The following MOV10L1 variants were observed in gnomAD, a reference collection of about 807,000 sequenced individuals.
MOV10L1 encodes Mov10 like RNA helicase 1.
In MOV10L1, 110 loss-of-function variants were observed where a neutral mutation model predicts 143.8. The ratio of observed to expected loss-of-function variants is 0.76; its 90% CI spans 0.66 to 0.90. The LOEUF (loss-of-function observed/expected upper bound fraction) is 0.90. Among genes scored for constraint, MOV10L1 ranks in the 40% least tolerant of loss-of-function variants. The pLI, the probability that MOV10L1 is intolerant of heterozygous loss-of-function variation, is 0.00. For missense variants in MOV10L1, 1,406 were observed against 1,526.8 expected (o/e 0.92, Z 1.32); for synonymous variants, 593 against 581.1 (o/e 1.02, Z -0.29).
chr22:50,144,639 T>TGG (rs2063090838), intron 18 of MOV10L1, among the ~76,000 whole-genome samples: 1 of 152,156 alleles, frequency 6.6e-6, no homozygotes, highest in South Asian at 2.1e-4. Context: ...TGAAGTGCAG[T>TGG]GGCATGATCT....
At chr22:50,124,688 CCT>C (rs2062443557) in intron 10 of MOV10L1, among the ~76,000 whole-genome samples, 1 of 152,194 alleles carries the variant, frequency 6.6e-6, no homozygotes, top group African/African-American at 2.4e-5. Context: ...CTCATGCATT[CCT>C]TAGTGCTGAG....
chr22:50,126,250 A>C lies in MOV10L1; in HGVS notation c.1796A>C (p.Glu599Ala). Residue 599 changes from glutamate (E) to alanine (A), a missense_variant, in exon 12 of 27, where the codon GAA (glutamate) becomes GCA (alanine). This residue lies in a region of MOV10L1 where 1,233 missense variants were observed against 1,351.4 expected (regional missense o/e 0.91). Coordinates refer to ENST00000262794, the MANE Select transcript of MOV10L1 (RefSeq NM_018995.3). The part of the protein sequence containing the change: ...KTQEYNGHAI[E>A]YISYVTEIHE... Reference sequence around the variant, plus strand: ...CAAGAGTACAATGGACATGCCATCGAATACATCAGCTACGTGACTGAGGTG... The same window carrying C: ...CAAGAGTACAATGGACATGCCATCGCATACATCAGCTACGTGACTGAGGTG... 6.2e-7 allele frequency: 1 copy of C among 1,612,642 alleles called. No homozygotes were observed. Among genetic ancestry groups the C allele is most frequent in the Non-Finnish European group, 8.5e-7 (1 of 1,178,646 alleles).
At position 50,152,428 on chromosome 22, in the gene MOV10L1, C is replaced by T. The variant is rs2147433710; in HGVS notation, c.2893-617C>T. Among the ~76,000 whole-genome samples the T allele has an allele frequency of 6.6e-6, 1 of 152,316 alleles. No homozygotes were observed. Among genetic ancestry groups the T allele is most frequent in the Middle Eastern group, 3.4e-3 (1 of 294 alleles). ...GGAGACCCTCTCTGGCTGCTTACACCAGCACCAGGGGAAGAGCACCTGCCC... is the reference window on the plus strand; with the variant it reads ...GGAGACCCTCTCTGGCTGCTTACACTAGCACCAGGGGAAGAGCACCTGCCC... On this transcript the variant is annotated intron_variant, in intron 21 of 26. Transcript: ENST00000262794. This position sits in a 1 kb window ranked among gnomAD's most constrained non-coding sequence, Gnocchi z 4.4.
chr22:50,151,720 C>T (rs893432510), intron 21 of MOV10L1, among the ~76,000 whole-genome samples: 7 of 152,388 alleles, frequency 4.6e-5, no homozygotes, highest in East Asian at 3.9e-4. Flanking sequence ...CGCCTGTACC[C>T]GCTAGCTGCT....
intron 9 of MOV10L1, among the ~76,000 whole-genome samples, chr22:50,118,741 A>T (rs771528843): frequency 2.6e-5 from 4 of 152,178 alleles, no homozygotes; most frequent in Admixed American, 6.6e-5. Context: ...GGGAGTTCGC[A>T]TGAAACACGG....
intron 26 of MOV10L1, 96 bp from the exon 27 acceptor site, chr22:50,161,272 A>T: frequency 9.0e-7 from 1 of 1,117,178 alleles, no homozygotes; most frequent in Non-Finnish European, 1.3e-6. Flanking sequence ...GGGTAAACTA[A>T]GTCCCCTTGT....
chr22:50,108,741 G>T lies in MOV10L1; in HGVS notation c.640G>T (p.Gly214Trp). 6.2e-7 allele frequency: 1 copy of T among 1,614,220 alleles called. No individual in the cohort carries two copies. Residue 214 changes from glycine to tryptophan, a missense_variant, in exon 5 of 27, where the codon GGG (glycine) becomes TGG (tryptophan). This residue lies in a region of MOV10L1 where 1,233 missense variants were observed against 1,351.4 expected (regional missense o/e 0.91). Transcript: ENST00000262794. ...FTLDSLKLPD[G>W]YTPRRGDVVN... Reference sequence around the variant, plus strand: ...CTTGGACTCCTTGAAACTGCCAGATGGGTACACACCCCGGAGAGGTGACGT... The same window carrying T: ...CTTGGACTCCTTGAAACTGCCAGATTGGTACACACCCCGGAGAGGTGACGT...
rs113179861 is a variant in MOV10L1 at position 50,147,062 on chromosome 22, G to A, written c.2627+1252G>A. The A allele has an allele frequency of 9.8e-5, 152 of 1,554,662 alleles. 3 individuals carry two copies. The highest frequency in any genetic ancestry group is 4.0e-4 in the African/African-American group (29 of 73,344). ...GTTGATGAGTCAAAGGTCAAGAGCC[G>A]AAGAGCCAGTCCTCACTGGGGTGCA... On this transcript the variant is annotated intron_variant, in intron 19 of 26. Transcript: ENST00000262794.
Position 50,161,342 on chromosome 22 carries a change from G to A in MOV10L1, c.3555-26G>A, listed in dbSNP as rs141267497. ...CCCGCTGTGGGAGCCTGGCTCACTG[G>A]CCATCCGCTTCTCCTCTGTCTACAG... On this transcript the variant is annotated intron_variant, in intron 26 of 26. Coordinates refer to ENST00000262794, the MANE Select transcript of MOV10L1 (RefSeq NM_018995.3). The A allele has an allele frequency of 4.6e-6, 7 of 1,534,774 alleles. No individual in the cohort carries two copies. The African/African-American group carries it at 9.6e-5, about 21-fold the overall frequency.
chr22:50,120,907 C>T (rs570656396), intron 10 of MOV10L1, among the ~76,000 whole-genome samples: 1 of 152,342 alleles, frequency 6.6e-6, no homozygotes, highest in Admixed American at 6.5e-5. Flanking sequence ...TGCCATCAGC[C>T]TGGCCTCTCT....
At position 50,134,537 on chromosome 22, in the gene MOV10L1, T is replaced by C. The variant is rs771003748; in HGVS notation, c.1977T>C (p.Phe659=). Residue 659 remains phenylalanine (F), a synonymous_variant, in exon 15 of 27, where the codon TTT becomes TTC. Transcript: ENST00000262794. ...CATTTTTTGTTTTAAAAGTGTTGTT[T>C]CCAGAAGAAATTATTTTACAGTCTC... ...HVIHLGVKVL[F]PEEIILQSPQ... is the part of the protein sequence containing the mutation. 3.1e-6 allele frequency: 5 copies of C among 1,614,166 alleles called. No individual in the cohort carries two copies. Among genetic ancestry groups the C allele is most frequent in the Non-Finnish European group, 8.5e-7 (1 of 1,179,982 alleles).
At chr22:50,153,250 T>C (rs1052608382) in intron 22 of MOV10L1, 32 bp downstream of exon 22, 12 of 1,596,892 alleles carry the variant, frequency 7.5e-6, no homozygotes, top group Admixed American at 6.7e-5. Flanking sequence ...TAGGTGACCG[T>C]GTCGGGTAAG....
chr22:50,146,721 A>G (rs1475242971), intron 19 of MOV10L1, among the ~76,000 whole-genome samples: 1 of 152,110 alleles, frequency 6.6e-6, no homozygotes, highest in Non-Finnish European at 1.5e-5. Flanking sequence ...GGGTGACCAC[A>G]GGAGGTGGTC....
intron 2 of MOV10L1, chr22:50,093,524 T>C (rs1179608700): frequency 6.6e-6 from 1 of 152,072 alleles, no homozygotes; most frequent in African/African-American, 2.4e-5. Flanking sequence ...TTTTTCAATT[T>C]TTGAGACAGA....
intron 17 of MOV10L1, 113 bp downstream of exon 17, chr22:50,143,334 G>A (rs971313471): frequency 3.4e-6 from 4 of 1,167,008 alleles, no homozygotes; most frequent in Non-Finnish European, 3.8e-6. Flanking sequence ...GAAAGAGCTT[G>A]AGAAATACCA....
Position 50,161,057 on chromosome 22 carries a change from T to C in MOV10L1, c.3554+2T>C. ...TCCTGCACTGCAGTCTCTGCAAAAG[T>C]GAGCGCTTCTGCTGTCTTCCTCAAA... is the stretch of plus-strand genomic sequence containing the variant. On this transcript the variant is annotated splice_donor_variant, in intron 26 of 26. Coordinates refer to ENST00000262794, the MANE Select transcript of MOV10L1 (RefSeq NM_018995.3). LOFTEE classifies it high-confidence loss of function. 6.2e-7 allele frequency: 1 copy of C among 1,613,458 alleles called. No individual in the cohort carries two copies. The highest frequency in any genetic ancestry group is 1.1e-5 in the South Asian group (1 of 91,074).
chr22:50,160,766 G>A lies in MOV10L1; in HGVS notation c.3403G>A (p.Ala1135Thr). 1 of 1,614,040 alleles carries A rather than the reference G, an allele frequency of 6.2e-7. No homozygotes were observed. Among genetic ancestry groups the A allele is most frequent in the East Asian group, 2.2e-5 (1 of 44,882 alleles). The change falls in exon 25 of 27, where the codon GCA becomes ACA. Residue 1135 changes from alanine to threonine, a missense_variant. This residue lies in a region of MOV10L1 where 1,233 missense variants were observed against 1,351.4 expected (regional missense o/e 0.91). Coordinates refer to ENST00000262794, the MANE Select transcript of MOV10L1 (RefSeq NM_018995.3). Reference sequence around the variant, plus strand: ...GTCCAACTCAAAAAGATTTAATGTTGCAATCACCAGACCCAAAGCTTTGCT... The same window carrying A: ...GTCCAACTCAAAAAGATTTAATGTTACAATCACCAGACCCAAAGCTTTGCT... ...FLSNSKRFNV[A>T]ITRPKALLIV...
At chr22:50,145,907 C>G (rs564827592) in intron 19 of MOV10L1, 97 bp downstream of exon 19, 2 of 1,537,932 alleles carry the variant, frequency 1.3e-6, no homozygotes, top group Non-Finnish European at 8.8e-7. Flanking sequence ...CCCAGAGACT[C>G]AGTGCTCAGG....
intron 22 of MOV10L1, among the ~76,000 whole-genome samples, chr22:50,157,276 CT>C: frequency 6.6e-6 from 1 of 151,876 alleles, no homozygotes; most frequent in African/African-American, 2.4e-5. Context: ...TTTCTCCCCC[CT>C]CCGCAGACTA....
Sources: gnomAD v4.1 joint callset for allele counts (sites outside exome capture counted in the v4.1 genomes callset) on GRCh38, gnomAD v4.1.1 for gene constraint, gnomAD v4.1.1 regional missense constraint, Gnocchi (gnomAD v3.1) non-coding constraint, MANE v1.5 for transcripts, NCBI Gene and HGNC (gene_info 2026-07-23, HGNC 2026-07-21) for gene names.